Variants in DENND1C observed in about 807,000 individuals in gnomAD.
The protein encoded by DENND1C is DENN domain-containing protein 1C.
In DENND1C, 64 loss-of-function variants were observed where a neutral mutation model predicts 87.9. The observed-to-expected ratio is 0.73, with a 90% CI of 0.60 to 0.90. The LOEUF (loss-of-function observed/expected upper bound fraction) is 0.90, where lower values mean the gene tolerates loss of function less well. Among genes scored for constraint, DENND1C ranks in the 40% least tolerant of loss-of-function variants. DENND1C has a pLI of 0.00. For synonymous variants in DENND1C, 384 were observed against 424.4 expected (o/e 0.90, Z 1.17); for missense variants, 980 against 1,037.0 (o/e 0.95, Z 0.76).
chr19:6,470,305 A>C lies in DENND1C; in HGVS notation c.1352T>G (p.Met451Arg). The C allele has an allele frequency of 6.2e-7, 1 of 1,610,786 alleles. No individual in the cohort carries two copies. Among genetic ancestry groups the C allele is most frequent in the Admixed American group, 1.7e-5 (1 of 59,454 alleles). Reference protein sequence around the residue: ...KAKTQPAVKNMYRSAKSGLKG... With the variant: ...KAKTQPAVKNRYRSAKSGLKG... Reference sequence around the variant, plus strand: ...CCAGCTCAGCCTCACCGAGCGGTACATGTTCTTGACGGCTGGTTGGGTCTT... The same window carrying C: ...CCAGCTCAGCCTCACCGAGCGGTACCTGTTCTTGACGGCTGGTTGGGTCTT... Residue 451 changes from methionine (M) to arginine (R), a missense_variant, in exon 18 of 23, where the codon ATG becomes AGG. Met to Arg is a moderately conservative substitution (Grantham distance 91). Transcript: ENST00000381480.
chr19:6,473,816 G>GGGGGGGGGGGAA (rs1231177042), intron 14 of DENND1C, among the ~76,000 whole-genome samples: 1 of 131,584 alleles, frequency 7.6e-6, no homozygotes, highest in Non-Finnish European at 1.6e-5. Flanking sequence ...GGGGGGTGGG[G>GGGGGGGGGGGAA]GGAGGGAAAT....
chr19:6,470,840 T>TC (rs1352738652), intron 17 of DENND1C, among the ~76,000 whole-genome samples: 2 of 151,996 alleles, frequency 1.3e-5, no homozygotes, highest in Non-Finnish European at 2.9e-5. Context: ...CAGGATGGTC[T>TC]CGATCTCCTG....
At chr19:6,479,236 TCTGGGTCCCTGAGTCC>T (rs1234880371) in intron 4 of DENND1C, among the ~76,000 whole-genome samples, 180 bp from the exon 5 acceptor site, 30 of 150,946 alleles carry the variant, frequency 2.0e-4, no homozygotes, top group African/African-American at 6.9e-4. Context: ...TCCCTGGATC[TCTGGGTCCCTGAGTCC>T]CTGGGTCCCT....
Position 6,478,976 on chromosome 19 carries a change from C to A in DENND1C, c.257G>T (p.Arg86Leu), listed in dbSNP as rs375160320. ...ACAGCTCTGGGTACCCGCCCGCAGG[C>A]GGCAGAAACCAAATCTGCGGTTGCC... ...LAGNRRFGFC[R>L]LRAGTQSCLC... Residue 86 changes from arginine (R) to leucine (L), a missense_variant, in exon 5 of 23, where the codon CGC (arginine) becomes CTC (leucine). Physicochemically the swap from Arg to Leu is moderately radical, Grantham distance 102. Coordinates refer to ENST00000381480, the MANE Select transcript of DENND1C (RefSeq NM_024898.4). The A allele has an allele frequency of 1.2e-6, 2 of 1,613,912 alleles. No homozygotes were observed. The highest frequency in any genetic ancestry group is 8.5e-7 in the Non-Finnish European group (1 of 1,179,852).
intron 6 of DENND1C, 47 bp downstream of exon 6, chr19:6,478,736 G>A (rs1414295543): frequency 1.3e-6 from 2 of 1,571,870 alleles, no homozygotes; most frequent in Non-Finnish European, 1.7e-6. Flanking sequence ...GGTTGAGGGG[G>A]GTGGGGGCTG....
At chr19:6,469,008 C>G (rs149977261) in intron 19 of DENND1C, 55 bp from the exon 20 acceptor site, 3 of 1,076,316 alleles carry the variant, frequency 2.8e-6, no homozygotes, top group African/African-American at 3.3e-5. Context: ...CCCACCACCC[C>G]CTACCATTGG....
rs779726199 is a variant in DENND1C at position 6,472,976 on chromosome 19, G to A, written c.1071C>T (p.Phe357=). ...TCTGGGCCAAGAAGACTTCCTCACT[G>A]AAGGTCACTGGCTGGCCCTGGAAGA... The part of the protein sequence containing the change: ...LVCSPGQPVT[F]SEEVFLAQKP... Residue 357 remains phenylalanine, a synonymous_variant, in exon 15 of 23, where the codon TTC becomes TTT. Transcript: ENST00000381480. 4.5e-6 allele frequency: 7 copies of A among 1,572,702 alleles called. 1 individual carries two copies. The South Asian group carries it at 8.3e-5, about 19-fold the overall frequency.
At chr19:6,477,500 T>A in intron 6 of DENND1C, 42 bp from the exon 7 acceptor site, 1 of 1,569,256 alleles carries the variant, frequency 6.4e-7, no homozygotes, top group South Asian at 1.1e-5. Flanking sequence ...GAGCCAGATG[T>A]GGGGATTGGG....
In DENND1C at chr19:6,476,893, C is replaced by T; in HGVS notation, c.642G>A (p.Glu214=). 6.2e-7 allele frequency: 1 copy of T among 1,613,218 alleles called. No homozygotes were observed. Among genetic ancestry groups the T allele is most frequent in the Non-Finnish European group, 8.5e-7 (1 of 1,179,782 alleles). The part of the protein sequence containing the change: ...IVGLFAALLA[E]RRVLLTASKL... ...TGCTGGCGGTGAGCAGGACTCTTCTCTCGGCCAGGAGCGCCGCGAACAGCC... is the reference window on the plus strand; with the variant it reads ...TGCTGGCGGTGAGCAGGACTCTTCTTTCGGCCAGGAGCGCCGCGAACAGCC... Residue 214 remains glutamate (E), a synonymous_variant, in exon 10 of 23, where the codon GAG becomes GAA. Transcript: ENST00000381480.
At chr19:6,469,770 C>T in intron 18 of DENND1C, 130 bp from the exon 19 acceptor site, 2 of 862,202 alleles carry the variant, frequency 2.3e-6, no homozygotes, top group Non-Finnish European at 3.7e-6. Flanking sequence ...CACCACCCCC[C>T]ATACACCACC....
chr19:6,476,193 C>T (rs2092858971), intron 10 of DENND1C: 1 of 487,816 alleles, frequency 2.0e-6, no homozygotes, highest in Non-Finnish European at 3.6e-6. Context: ...TAGGCAACAC[C>T]CCTGAGTCTT....
intron 1 of DENND1C, among the ~76,000 whole-genome samples, chr19:6,481,441 A>G (rs1295828951): frequency 6.8e-6 from 1 of 148,106 alleles, no homozygotes; most frequent in Non-Finnish European, 1.5e-5. Context: ...ACAGAGCTAT[A>G]GACATAATCA....
At chr19:6,471,575 G>C in intron 15 of DENND1C, 79 bp from the exon 16 acceptor site, 1 of 1,345,766 alleles carries the variant, frequency 7.4e-7, no homozygotes, top group South Asian at 1.5e-5. Context: ...CTGCTGTCAA[G>C]ATGTAGAAGC....
chr19:6,476,875 G>C lies in DENND1C; in HGVS notation c.660C>G (p.Thr220=), dbSNP rs771545184. Residue 220 remains threonine, a synonymous_variant, in exon 10 of 23, where the codon ACC becomes ACG. Coordinates refer to ENST00000381480, the MANE Select transcript of DENND1C (RefSeq NM_024898.4). ...GCCTCACGGTGCTGAGTTTGCTGGCGGTGAGCAGGACTCTTCTCTCGGCCA... is the reference window on the plus strand; with the variant it reads ...GCCTCACGGTGCTGAGTTTGCTGGCCGTGAGCAGGACTCTTCTCTCGGCCA... ...ALLAERRVLL[T]ASKLSTLTSC... The C allele has an allele frequency of 5.0e-6, 8 of 1,612,380 alleles. No homozygotes were observed. In the Admixed American group the frequency reaches 1.2e-4, roughly 24 times the overall value.
At chr19:6,479,944 C>G (rs2092888605) in intron 2 of DENND1C, 42 bp from the exon 3 acceptor site, 1 of 1,595,944 alleles carries the variant, frequency 6.3e-7, no homozygotes. Flanking sequence ...GACCCAGGCC[C>G]ACCCTCCCCT....
At chr19:6,469,529 C>T (rs2092816029) in intron 19 of DENND1C, 67 bp downstream of exon 19, 1 of 1,506,722 alleles carries the variant, frequency 6.6e-7, no homozygotes, top group Admixed American at 1.9e-5. Flanking sequence ...AGCAATCCTC[C>T]TGCCTCGGCC....
rs766168589 is a variant in DENND1C, at chr19:6,475,370, C to T, written c.957G>A (p.Lys319=). ...VVSLLRLRLR[K]VALAPGEGVS... ...CCCCTTCCCCGGGGGCCAGGGCGACCTTCCTGAGCCGGAGCCTCAGCAGGG... is the reference window on the plus strand; with the variant it reads ...CCCCTTCCCCGGGGGCCAGGGCGACTTTCCTGAGCCGGAGCCTCAGCAGGG... Residue 319 remains lysine, a synonymous_variant, in exon 14 of 23, where the codon AAG becomes AAA. Transcript: ENST00000381480. 4.3e-6 allele frequency: 7 copies of T among 1,611,906 alleles called. No homozygotes were observed. The highest frequency in any genetic ancestry group is 5.9e-6 in the Non-Finnish European group (7 of 1,178,800).
At chr19:6,476,216 A>G (rs914561597) in intron 10 of DENND1C, 4 of 445,976 alleles carry the variant, frequency 9.0e-6, no homozygotes, top group Non-Finnish European at 1.2e-5. Flanking sequence ...CCATGCAGGT[A>G]GAGCAAGGAC....
At chr19:6,471,364 TGGCG>T in intron 16 of DENND1C, 38 bp downstream of exon 16, 1 of 1,585,014 alleles carries the variant, frequency 6.3e-7, no homozygotes, top group Non-Finnish European at 8.6e-7. Flanking sequence ...GGGGTGCTGG[TGGCG>T]GGTAGTGGGG....
Sources: allele counts gnomAD v4.1 joint callset (sites outside exome capture counted in the v4.1 genomes callset), GRCh38; gene constraint gnomAD v4.1.1; transcripts MANE v1.5; gene names NCBI Gene and HGNC (gene_info 2026-07-23, HGNC 2026-07-21).